The following IMPG1 variants were observed in gnomAD, a reference collection of about 807,000 sequenced individuals.
The protein encoded by IMPG1 is interphotoreceptor matrix proteoglycan of 150 kDa.
Under a neutral mutation model 92.0 loss-of-function variants are expected in IMPG1, and 85 were observed. The ratio of observed to expected loss-of-function variants is 0.92; its 90% CI spans 0.78 to 1.11. IMPG1 has a LOEUF of 1.11. Ranked by LOEUF, IMPG1 falls within the 50% of genes least tolerant of loss-of-function variation. The probability of loss-of-function intolerance (pLI) is 0.00; values close to 1 mark genes in which losing one functional copy is unlikely to be tolerated. For missense variants in IMPG1, 1,022 were observed against 956.0 expected (o/e 1.07, Z -0.91); for synonymous variants, 367 against 334.1 (o/e 1.10, Z -1.08).
At chr6:75,959,240 G>A (rs951049425) in intron 12 of IMPG1, among the ~76,000 whole-genome samples, 1 of 152,168 alleles carries the variant, frequency 6.6e-6, no homozygotes, top group African/African-American at 2.4e-5. Context: ...TCCTTTGGAA[G>A]CTCCATCCCA....
At chr6:76,040,595 T>C (rs1291334316) in intron 2 of IMPG1, among the ~76,000 whole-genome samples, 1 of 152,192 alleles carries the variant, frequency 6.6e-6, no homozygotes, top group Non-Finnish European at 1.5e-5. Context: ...TTCTAGGACC[T>C]TAGAATAGTA....
chr6:76,040,125 A>T (rs957183710), intron 2 of IMPG1, among the ~76,000 whole-genome samples: 1 of 152,170 alleles, frequency 6.6e-6, no homozygotes, highest in Non-Finnish European at 1.5e-5. Context: ...GTAAAATTTC[A>T]TATTACCTAG....
chr6:76,043,492 G>T (rs1242673089), intron 1 of IMPG1, among the ~76,000 whole-genome samples: 1 of 152,074 alleles, frequency 6.6e-6, no homozygotes, highest in Non-Finnish European at 1.5e-5. Flanking sequence ...TGTTCCTCTT[G>T]GGCAGAGGTA....
intron 1 of IMPG1, among the ~76,000 whole-genome samples, chr6:76,065,708 A>C (rs1019484488): frequency 6.6e-6 from 1 of 152,160 alleles, no homozygotes; most frequent in Non-Finnish European, 1.5e-5. Flanking sequence ...TTAGACATCC[A>C]GTTATAAGAG....
chr6:75,937,036 G>C (rs1781758173), intron 14 of IMPG1, among the ~76,000 whole-genome samples: 2 of 152,176 alleles, frequency 1.3e-5, no homozygotes, highest in African/African-American at 2.4e-5. Context: ...ATGTCAAACA[G>C]AAAATCTGCA....
At chr6:76,020,512 C>A (rs997110299) in intron 6 of IMPG1, among the ~76,000 whole-genome samples, 1 of 152,072 alleles carries the variant, frequency 6.6e-6, no homozygotes, top group Admixed American at 6.6e-5. Context: ...GAAGCTTTGA[C>A]CTGTGCCTTG....
chr6:75,926,930 A>G (rs1374962781), intron 15 of IMPG1, among the ~76,000 whole-genome samples: 1 of 152,244 alleles, frequency 6.6e-6, no homozygotes, highest in African/African-American at 2.4e-5. Flanking sequence ...TTTGTGTGTC[A>G]ATGGTAGTCT....
intron 15 of IMPG1, among the ~76,000 whole-genome samples, chr6:75,924,668 A>T (rs796642051): frequency 0.61 from 6,479 of 10,610 alleles, 2,591 homozygotes; most frequent in East Asian, 0.88. Flanking sequence ...ATATATAATA[A>T]ATTATATATT....
intron 14 of IMPG1, among the ~76,000 whole-genome samples, chr6:75,934,418 T>G (rs1316240510): frequency 6.6e-6 from 1 of 152,220 alleles, no homozygotes; most frequent in Non-Finnish European, 1.5e-5. Flanking sequence ...CTGGATTTGC[T>G]TACATAATGT....
At chr6:75,976,146 C>A (rs1782528616) in intron 12 of IMPG1, among the ~76,000 whole-genome samples, 1 of 152,114 alleles carries the variant, frequency 6.6e-6, no homozygotes, top group Admixed American at 6.5e-5. Context: ...TAAATAAAAT[C>A]TTCAATATGT....
At chr6:75,984,331 A>C (rs1305608025) in intron 12 of IMPG1, among the ~76,000 whole-genome samples, 1 of 152,218 alleles carries the variant, frequency 6.6e-6, no homozygotes, top group Non-Finnish European at 1.5e-5. Flanking sequence ...GTCCATTAAA[A>C]CAAATGAATG....
chr6:76,034,544 A>G (rs970621993), intron 3 of IMPG1, 77 bp downstream of exon 3: 26 of 1,493,646 alleles, frequency 1.7e-5, no homozygotes, highest in African/African-American at 9.7e-5. Context: ...GTGGAAACCA[A>G]TTCAAAAGGC....
At position 75,993,948 on chromosome 6, in the gene IMPG1, T is replaced by A. The variant is rs118105114; in HGVS notation, c.1291+8970A>T. Among the ~76,000 whole-genome samples the A allele has an allele frequency of 6.0e-3, 920 of 152,250 alleles. 37 individuals are homozygous for A. In the East Asian group the frequency reaches 0.098, roughly 16 times the overall value. On this transcript the variant is annotated intron_variant, in intron 12 of 16. Coordinates refer to ENST00000369950, the MANE Select transcript of IMPG1 (RefSeq NM_001563.4). ...CAGAACCAAGCCAGCTTCCAGGTAG[T>A]CTGTGAGGGGCTGCAGAGCTCTGTG...
At chr6:76,035,706 C>T (rs1056619504) in intron 2 of IMPG1, among the ~76,000 whole-genome samples, 1 of 152,132 alleles carries the variant, frequency 6.6e-6, no homozygotes, top group Non-Finnish European at 1.5e-5. Context: ...TAAAATTGGT[C>T]TCTCTAAAGA....
At chr6:75,972,384 A>ACGCC (rs1455606529) in intron 12 of IMPG1, among the ~76,000 whole-genome samples, 1 of 149,694 alleles carries the variant, frequency 6.7e-6, no homozygotes, top group African/African-American at 2.5e-5. Context: ...AAGAACACCC[A>ACGCC]CGCCCACCCA....
chr6:76,045,766 G>A (rs1437452022), intron 1 of IMPG1, among the ~76,000 whole-genome samples: 2 of 152,132 alleles, frequency 1.3e-5, no homozygotes, highest in Admixed American at 6.5e-5. Context: ...ATCAGATGCT[G>A]TTCTCCAGTC....
intron 6 of IMPG1, 85 bp downstream of exon 6, chr6:76,022,031 A>G (rs147406515): frequency 0.029 from 20,652 of 701,028 alleles, 430 homozygotes; most frequent in Non-Finnish European, 0.042. Context: ...TATTTAAAGG[A>G]TGGTTTATCC....
chr6:75,931,270 C>T, intron 14 of IMPG1, 119 bp from the exon 15 acceptor site: 1 of 855,138 alleles, frequency 1.2e-6, no homozygotes, highest in Non-Finnish European at 1.9e-6. Context: ...GTGGGTTGCA[C>T]AGTTGTGATA....
intron 12 of IMPG1, among the ~76,000 whole-genome samples, chr6:75,976,778 G>A (rs899977354): frequency 6.6e-6 from 1 of 151,950 alleles, no homozygotes; most frequent in Non-Finnish European, 1.5e-5. Context: ...CGGGCGTGGT[G>A]GCAGGCACCT....
Sources: gnomAD v4.1 joint callset for allele counts (sites outside exome capture counted in the v4.1 genomes callset) on GRCh38, gnomAD v4.1.1 for gene constraint, MANE v1.5 for transcripts, NCBI Gene and HGNC (gene_info 2026-07-23, HGNC 2026-07-21) for gene names.